USH2A: variants seen among roughly 807,000 people sequenced by gnomAD.
USH2A encodes usherin.
A neutral mutation model predicts 538.9 loss-of-function variants in USH2A; 443 were observed. The observed-to-expected ratio is 0.82, with a 90% confidence interval of 0.76 to 0.89. The LOEUF is 0.89. Among genes scored for constraint, USH2A ranks in the 40% least tolerant of loss-of-function variants. The probability of loss-of-function intolerance (pLI) is 0.00; values close to 1 mark genes in which losing one functional copy is unlikely to be tolerated. For missense variants in USH2A, 6,633 were observed against 6,324.8 expected (o/e 1.05, Z -1.65); for synonymous variants, 2,413 against 2,273.5 (o/e 1.06, Z -1.75).
chr1:215,933,787 G>T (rs1159482186), intron 38 of USH2A, among the ~76,000 whole-genome samples: 1 of 151,904 alleles, frequency 6.6e-6, no homozygotes, highest in Non-Finnish European at 1.5e-5. Flanking sequence ...GCAGATGCTG[G>T]ATGTCCTGGG....
At chr1:215,926,126 C>T (rs923242593) in intron 38 of USH2A, among the ~76,000 whole-genome samples, 2 of 145,758 alleles carry the variant, frequency 1.4e-5, no homozygotes, top group South Asian at 2.2e-4. Flanking sequence ...TTTTGCAATT[C>T]TTATTTATTT....
chr1:215,972,419 G>A (rs1373745104), intron 35 of USH2A, among the ~76,000 whole-genome samples: 3 of 152,182 alleles, frequency 2.0e-5, no homozygotes, highest in Admixed American at 6.6e-5. Context: ...ATCGGCAAGT[G>A]TAGCAGTAAG....
At chr1:215,770,659 T>C (rs548329525) in intron 55 of USH2A, among the ~76,000 whole-genome samples, 5 of 152,266 alleles carry the variant, frequency 3.3e-5, no homozygotes, top group Admixed American at 2.6e-4. Context: ...CATGTACTAC[T>C]AGTTGGCCCT....
intron 33 of USH2A, among the ~76,000 whole-genome samples, 186 bp downstream of exon 33, chr1:216,000,217 G>A (rs527531276): frequency 1.4e-3 from 219 of 152,246 alleles, no homozygotes; most frequent in African/African-American, 5.1e-3. Context: ...CAGCCTGATT[G>A]CATAAAGACA....
At chr1:216,410,203 T>C (rs1420048971) in intron 3 of USH2A, among the ~76,000 whole-genome samples, 2 of 151,930 alleles carry the variant, frequency 1.3e-5, no homozygotes, top group Non-Finnish European at 2.9e-5. Context: ...GAAACAACAG[T>C]GCTAGTGAGG....
intron 47 of USH2A, among the ~76,000 whole-genome samples, chr1:215,817,989 C>T: frequency 6.6e-6 from 1 of 151,942 alleles, no homozygotes; most frequent in East Asian, 1.9e-4. Context: ...TTATGATGAT[C>T]CACTTCCACT....
chr1:215,766,773 G>T lies in USH2A; in HGVS notation c.10955C>A (p.Thr3652Asn). 1.2e-6 allele frequency: 2 copies of T among 1,613,568 alleles called. No individual in the cohort carries two copies. The highest frequency in any genetic ancestry group is 1.7e-6 in the Non-Finnish European group (2 of 1,179,558). ...AGCTGTAAGAGTGAAGCTGTAGTTG[G>T]TGTATGGCTGGAGACCTAGAAAAAG... ...QHTVTGLQPYTNYSFTLTACT... is the reference protein window; with the variant it reads ...QHTVTGLQPYNNYSFTLTACT... Residue 3652 changes from threonine to asparagine, a missense_variant, in exon 56 of 72, where the codon ACC becomes AAC. Coordinates refer to ENST00000307340, the MANE Select transcript of USH2A (RefSeq NM_206933.4).
chr1:215,784,270 T>G (rs1174749946), intron 52 of USH2A, among the ~76,000 whole-genome samples: 1 of 152,186 alleles, frequency 6.6e-6, no homozygotes, highest in African/African-American at 2.4e-5. Context: ...AAAGAGAAAA[T>G]TGCATACCTT....
chr1:216,285,786 G>A (rs922863159), intron 11 of USH2A, among the ~76,000 whole-genome samples: 4 of 152,196 alleles, frequency 2.6e-5, no homozygotes, highest in Non-Finnish European at 5.9e-5. Flanking sequence ...GCATGCCCTG[G>A]ATGTAAGATA....
chr1:215,933,537 A>G (rs919818598), intron 38 of USH2A, among the ~76,000 whole-genome samples: 5 of 152,020 alleles, frequency 3.3e-5, no homozygotes, highest in African/African-American at 4.8e-5. Context: ...ATAATGGCAT[A>G]AAAGGTAGAT....
intron 21 of USH2A, among the ~76,000 whole-genome samples, chr1:216,122,723 G>A (rs1166363810): frequency 1.3e-5 from 2 of 152,134 alleles, no homozygotes; most frequent in African/African-American, 4.8e-5. Context: ...GCATAAGTCT[G>A]AATCTTCCAG....
intron 9 of USH2A, among the ~76,000 whole-genome samples, chr1:216,301,572 G>A (rs1359977201): frequency 1.3e-5 from 2 of 152,118 alleles, no homozygotes; most frequent in Non-Finnish European, 2.9e-5. Context: ...TTTCTGCTGA[G>A]TCTAAACTGG....
chr1:215,981,449 A>C (rs1421353721), intron 35 of USH2A, among the ~76,000 whole-genome samples: 1 of 152,180 alleles, frequency 6.6e-6, no homozygotes, highest in Non-Finnish European at 1.5e-5. Context: ...ATAACTAATA[A>C]TACTACTCAC....
intron 61 of USH2A, among the ~76,000 whole-genome samples, chr1:215,703,361 C>T (rs4575059): frequency 0.18 from 27,113 of 152,230 alleles, 2,789 homozygotes; most frequent in East Asian, 0.41. Flanking sequence ...ATCTGCTGCT[C>T]TCTTCAGAGC....
At chr1:216,327,433 T>C (rs562837149) in intron 5 of USH2A, among the ~76,000 whole-genome samples, 158 bp downstream of exon 5, 4 of 152,256 alleles carry the variant, frequency 2.6e-5, no homozygotes, top group East Asian at 1.9e-4. Context: ...ATAACAACCA[T>C]AGACTAAGCC....
chr1:216,314,110 T>C (rs2037467836), intron 9 of USH2A, among the ~76,000 whole-genome samples: 1 of 152,172 alleles, frequency 6.6e-6, no homozygotes. Flanking sequence ...AATTCTTTAC[T>C]CTTATCCCTT....
chr1:216,246,575 T>A lies in USH2A; in HGVS notation c.2809+10A>T. ...TTGTGCACTGAAAATGTAATACATT[T>A]CTTTCTTACCTGGTTGACACTGATT... On this transcript the variant is annotated intron_variant, in intron 13 of 71. Transcript: ENST00000307340. 1 of 1,614,030 alleles carries A rather than the reference T, an allele frequency of 6.2e-7. No individual in the cohort carries two copies. The highest frequency in any genetic ancestry group is 8.5e-7 in the Non-Finnish European group (1 of 1,179,916).
Position 215,674,572 on chromosome 1 carries a change from T to C in USH2A, c.13339A>G (p.Met4447Val), listed in dbSNP as rs139474806. The stretch of plus-strand genomic sequence containing the variant: ...GTGACTTGCAATGTTGGAGAGTCCA[T>C]GTTCTCTGGCAGGGCCTCCATTGTC... ...AWTMEALPEN[M>V]DSPTLQVTGS... Residue 4447 changes from methionine (M) to valine (V), a missense_variant, in exon 63 of 72, where the codon ATG (methionine) becomes GTG (valine). Met to Val is a conservative substitution (Grantham distance 21, BLOSUM62 1). Coordinates refer to ENST00000307340, the MANE Select transcript of USH2A (RefSeq NM_206933.4). The C allele has an allele frequency of 5.1e-5, 82 of 1,614,162 alleles. No individual in the cohort carries two copies. The highest frequency in any genetic ancestry group is 4.7e-4 in the East Asian group (21 of 44,870).
rs572370538 is a variant in USH2A, at chr1:216,059,574, T to G, written c.6049+10527A>C. Reference sequence around the variant, plus strand: ...TTTTTGTTTTGTTTAATTTTTGCTTTTTTACTTTTTCCTCCATCCCTTACC... The same window carrying G: ...TTTTTGTTTTGTTTAATTTTTGCTTGTTTACTTTTTCCTCCATCCCTTACC... On this transcript the variant is annotated intron_variant, in intron 30 of 71. Coordinates refer to ENST00000307340, the MANE Select transcript of USH2A (RefSeq NM_206933.4). Among the ~76,000 whole-genome samples, 4 of 152,336 alleles carry G rather than the reference T, an allele frequency of 2.6e-5. No homozygotes were observed. The South Asian group carries it at 8.3e-4, about 32-fold the overall frequency.
Sources: gnomAD v4.1 joint callset for allele counts (sites outside exome capture counted in the v4.1 genomes callset) on GRCh38, gnomAD v4.1.1 for gene constraint, MANE v1.5 for transcripts, NCBI Gene and HGNC (gene_info 2026-07-23, HGNC 2026-07-21) for gene names.